CHCHD3: variants seen among roughly 807,000 people sequenced by gnomAD.
CHCHD3 encodes the protein coiled-coil-helix-coiled-coil-helix domain containing 3, also known as MICOS complex subunit MIC19.
CHCHD3 carries 20 observed loss-of-function variants against 38.2 expected under a neutral mutation model. The observed-to-expected ratio is 0.52, with a 90% CI of 0.37 to 0.76. The LOEUF is 0.76. Among genes scored for constraint, CHCHD3 ranks in the 30% least tolerant of loss-of-function variants. The pLI is 0.00. For synonymous variants in CHCHD3, 82 were observed against 100.0 expected, an observed-to-expected ratio of 0.82 and a Z score of 1.07; for missense variants, 245 against 279.2, an observed-to-expected ratio of 0.88 and a Z score of 0.87.
chr7:132,913,118 G>C (rs530589993), intron 4 of CHCHD3, among the ~76,000 whole-genome samples: 14 of 152,094 alleles, frequency 9.2e-5, no homozygotes, highest in African/African-American at 3.1e-4. Context: ...TGCTGAAGGA[G>C]GCCAGAGAAA....
intron 6 of CHCHD3, among the ~76,000 whole-genome samples, chr7:132,816,933 T>C (rs1368168332): frequency 6.6e-6 from 1 of 151,984 alleles, no homozygotes; most frequent in Non-Finnish European, 1.5e-5. Context: ...ATAAATGGCA[T>C]ACAAAAGCCT....
At position 132,826,590 on chromosome 7, in the gene CHCHD3, T is replaced by G. The variant is rs117166893; in HGVS notation, c.524+11809A>C. Among the ~76,000 whole-genome samples the G allele has an allele frequency of 4.0e-3, 605 of 152,250 alleles. 32 individuals are homozygous for G. The East Asian group carries it at 0.1, about 26-fold the overall frequency. On this transcript the variant is annotated intron_variant, in intron 6 of 7. Transcript: ENST00000262570. The stretch of plus-strand genomic sequence containing the variant: ...ATTGGCCACTGAATGGGAAAGCACA[T>G]GAAATAATTTAAGGCAGGCATGTGA...
chr7:132,967,603 C>T (rs1271265160), intron 4 of CHCHD3, among the ~76,000 whole-genome samples: 1 of 151,202 alleles, frequency 6.6e-6, no homozygotes, highest in African/African-American at 2.4e-5. Flanking sequence ...CCAGCCTGGG[C>T]AACGTGGCAA....
At chr7:132,996,582 T>C (rs545682373) in intron 3 of CHCHD3, among the ~76,000 whole-genome samples, 1 of 152,306 alleles carries the variant, frequency 6.6e-6, no homozygotes, top group South Asian at 2.1e-4. Flanking sequence ...GTTGCTAAAA[T>C]TGAGAAGGTA....
chr7:132,838,458 G>C lies in CHCHD3; in HGVS notation c.465C>G (p.Phe155Leu), dbSNP rs777362205. Reference sequence around the variant, plus strand: ...GATATTGTTCAGTGGTGACTCTGTAGAACTCTGAGCTCTGTGGACAAAGAT... The same window carrying C: ...GATATTGTTCAGTGGTGACTCTGTACAACTCTGAGCTCTGTGGACAAAGAT... Reference protein sequence around the residue: ...LARLEERSSEFYRVTTEQYQK... With the variant: ...LARLEERSSELYRVTTEQYQK... The change falls in exon 6 of 8, where the codon TTC (phenylalanine) becomes TTG (leucine). Residue 155 changes from phenylalanine (F) to leucine (L), a missense_variant. Phe to Leu is a conservative substitution (Grantham distance 22). Coordinates refer to ENST00000262570, the MANE Select transcript of CHCHD3 (RefSeq NM_017812.4). 4 of 1,611,608 alleles carry C rather than the reference G, an allele frequency of 2.5e-6. No individual in the cohort carries two copies. Among genetic ancestry groups the C allele is most frequent in the Non-Finnish European group, 3.4e-6 (4 of 1,178,300 alleles).
chr7:132,887,715 C>G (rs1019008969), intron 4 of CHCHD3, among the ~76,000 whole-genome samples: 1 of 151,638 alleles, frequency 6.6e-6, no homozygotes, highest in African/African-American at 2.4e-5. Flanking sequence ...AACCCCACAT[C>G]AAATCAGATA....
chr7:132,963,518 G>A (rs1585679470), intron 4 of CHCHD3, among the ~76,000 whole-genome samples: 1 of 151,308 alleles, frequency 6.6e-6, no homozygotes, highest in East Asian at 1.9e-4. Flanking sequence ...TGTAGTCCCA[G>A]CTACTCGCGA....
chr7:133,076,174 T>C (rs1042520687), intron 1 of CHCHD3, among the ~76,000 whole-genome samples: 5 of 152,090 alleles, frequency 3.3e-5, no homozygotes, highest in Non-Finnish European at 7.4e-5. Flanking sequence ...CTATTATACT[T>C]GCTTTCCAGA....
At chr7:132,919,998 T>G (rs1409966403) in intron 4 of CHCHD3, among the ~76,000 whole-genome samples, 1 of 152,094 alleles carries the variant, frequency 6.6e-6, no homozygotes, top group East Asian at 1.9e-4. Context: ...GAAGTTTTCT[T>G]AAGTGAGAGA....
intron 4 of CHCHD3, among the ~76,000 whole-genome samples, chr7:132,962,905 C>T (rs1811355528): frequency 6.6e-6 from 1 of 151,978 alleles, no homozygotes; most frequent in Admixed American, 6.5e-5. Context: ...TAATAGTTGC[C>T]AATATATGAT....
intron 2 of CHCHD3, among the ~76,000 whole-genome samples, chr7:133,056,678 T>C (rs561293625): frequency 6.6e-6 from 1 of 152,162 alleles, no homozygotes; most frequent in Non-Finnish European, 1.5e-5. Context: ...AGAGTCAATG[T>C]GGAACAGGTA....
At chr7:132,833,708 A>G (rs1174729965) in intron 6 of CHCHD3, among the ~76,000 whole-genome samples, 1 of 152,216 alleles carries the variant, frequency 6.6e-6, no homozygotes, top group East Asian at 1.9e-4. Context: ...TTTTACTGCC[A>G]AAACTATACA....
At chr7:133,080,720 CA>C (rs1320236181) in intron 1 of CHCHD3, among the ~76,000 whole-genome samples, 2 of 151,998 alleles carry the variant, frequency 1.3e-5, no homozygotes, top group Non-Finnish European at 2.9e-5. Context: ...GGTCACAGAC[CA>C]AAAACTGAGT....
chr7:132,846,694 G>A (rs1030212207), intron 5 of CHCHD3, among the ~76,000 whole-genome samples: 1 of 152,150 alleles, frequency 6.6e-6, no homozygotes, highest in Non-Finnish European at 1.5e-5. Flanking sequence ...TAATGTTAGA[G>A]TGACACCTGC....
At position 132,862,837 on chromosome 7, in the gene CHCHD3, T is replaced by C. The variant is rs535939952; in HGVS notation, c.453+22825A>G. Among the ~76,000 whole-genome samples the C allele has an allele frequency of 2.6e-5, 4 of 152,310 alleles. No homozygotes were observed. In the East Asian group the frequency reaches 7.7e-4, roughly 29 times the overall value. On this transcript the variant is annotated intron_variant, in intron 5 of 7. Coordinates refer to ENST00000262570, the MANE Select transcript of CHCHD3 (RefSeq NM_017812.4). ...TAGACTCTATCTCAAGAAACCACTT[T>C]CTTTGCTCATCATCTGTTCAAGTTT...
chr7:132,926,597 T>C (rs1044358957), intron 4 of CHCHD3, among the ~76,000 whole-genome samples: 8 of 152,078 alleles, frequency 5.3e-5, no homozygotes, highest in African/African-American at 1.7e-4. Context: ...AGCTGCACTT[T>C]TGATATATAG....
chr7:132,821,251 G>A (rs1354395079), intron 6 of CHCHD3, among the ~76,000 whole-genome samples: 1 of 152,082 alleles, frequency 6.6e-6, no homozygotes, highest in East Asian at 1.9e-4. Context: ...CTTAGGATAT[G>A]CTAAAAACAT....
intron 6 of CHCHD3, among the ~76,000 whole-genome samples, chr7:132,823,425 T>C (rs1755979932): frequency 6.6e-6 from 1 of 152,200 alleles, no homozygotes; most frequent in South Asian, 2.1e-4. Flanking sequence ...TATAACAATA[T>C]ACTAGAATAA....
At chr7:132,957,050 A>G (rs960584484) in intron 4 of CHCHD3, among the ~76,000 whole-genome samples, 2 of 152,176 alleles carry the variant, frequency 1.3e-5, no homozygotes, top group Non-Finnish European at 2.9e-5. Context: ...ATGTGCAGAA[A>G]GATCCCTGCC....
Sources: gnomAD v4.1 joint callset for allele counts (sites outside exome capture counted in the v4.1 genomes callset) on GRCh38, gnomAD v4.1.1 for gene constraint, MANE v1.5 for transcripts, NCBI Gene and HGNC (gene_info 2026-07-23, HGNC 2026-07-21) for gene names.